The following KCNQ5 variants were observed in gnomAD, a reference collection of about 807,000 sequenced individuals.
KCNQ5 encodes the protein potassium voltage-gated channel subfamily KQT member 5.
In KCNQ5, 30 loss-of-function variants were observed where a neutral mutation model predicts 98.2. That is an observed-to-expected ratio of 0.31 (90% confidence interval 0.23 to 0.41). KCNQ5 has a LOEUF of 0.41. Among genes scored for constraint, KCNQ5 ranks in the 10% least tolerant of loss-of-function variants. KCNQ5 has a pLI of 1.00. For missense variants in KCNQ5, 835 were observed against 1,182.5 expected, an observed-to-expected ratio of 0.71 and a Z score of 4.31; for synonymous variants, 458 against 449.4, an observed-to-expected ratio of 1.02 and a Z score of -0.24.
intron 1 of KCNQ5, among the ~76,000 whole-genome samples, chr6:72,852,662 A>ATATATATATATAT (rs1389810749): frequency 2.6e-5 from 1 of 38,348 alleles, no homozygotes; most frequent in Non-Finnish European, 5.2e-5. Context: ...TATATATATA[A>ATATATATATATAT]ATGGCACTTA....
At chr6:73,163,690 G>C (rs1777695785) in intron 10 of KCNQ5, among the ~76,000 whole-genome samples, 1 of 152,262 alleles carries the variant, frequency 6.6e-6, no homozygotes, top group South Asian at 2.1e-4. Flanking sequence ...GGAGGTTGCA[G>C]TGAGCCAAGA....
chr6:73,031,819 G>T (rs555970510), intron 2 of KCNQ5, among the ~76,000 whole-genome samples: 40 of 152,328 alleles, frequency 2.6e-4, no homozygotes, highest in African/African-American at 6.5e-4. Flanking sequence ...TTAGCTATAT[G>T]AAACTCTGTA....
chr6:73,151,310 A>G (rs531260190), intron 10 of KCNQ5, among the ~76,000 whole-genome samples: 8 of 152,216 alleles, frequency 5.3e-5, no homozygotes, highest in African/African-American at 1.9e-4. Context: ...ACATATCTCC[A>G]TATTTTTCCA....
intron 1 of KCNQ5, among the ~76,000 whole-genome samples, chr6:72,672,702 G>A (rs1164042461): frequency 6.6e-6 from 1 of 152,044 alleles, no homozygotes; most frequent in Non-Finnish European, 1.5e-5. Flanking sequence ...GTCAGAATCA[G>A]AAGACGTCAT....
Position 72,888,372 on chromosome 6 carries a change from A to G in KCNQ5, c.399-115536A>G, listed in dbSNP as rs9442866. 5.4e-3 allele frequency among the ~76,000 whole-genome samples: 825 copies of G among 152,334 alleles called. 8 individuals are homozygous for G. Among genetic ancestry groups the G allele is most frequent in the African/African-American group, 0.019 (792 of 41,572 alleles). On this transcript the variant is annotated intron_variant, in intron 1 of 13. Coordinates refer to ENST00000370398, the MANE Select transcript of KCNQ5 (RefSeq NM_019842.4). ...TTTGAGAAACTGCAAGTACTTTAAT[A>G]TGACGCTGTGCACAGAGGGCCTGTA...
chr6:72,976,017 T>C (rs1408304156), intron 1 of KCNQ5, among the ~76,000 whole-genome samples: 4 of 152,242 alleles, frequency 2.6e-5, no homozygotes, highest in Admixed American at 2.6e-4. Flanking sequence ...AATTGATTTT[T>C]ATTAGCAAAT....
chr6:73,082,537 T>C (rs896449991), intron 5 of KCNQ5, among the ~76,000 whole-genome samples: 13 of 152,166 alleles, frequency 8.5e-5, no homozygotes, highest in African/African-American at 3.1e-4. Context: ...TGGAATTATG[T>C]CCAATATCGT....
chr6:72,855,722 A>C (rs1016689643), intron 1 of KCNQ5, among the ~76,000 whole-genome samples: 12 of 152,216 alleles, frequency 7.9e-5, no homozygotes, highest in African/African-American at 2.2e-4. Context: ...AGTCAGAAGC[A>C]TATTATGCTG....
At chr6:72,675,719 G>T (rs997002485) in intron 1 of KCNQ5, among the ~76,000 whole-genome samples, 1 of 152,176 alleles carries the variant, frequency 6.6e-6, no homozygotes, top group Non-Finnish European at 1.5e-5. Context: ...CTTTGTTTTT[G>T]TGGAATTCAT....
At chr6:73,058,243 T>A (rs1432630406) in intron 3 of KCNQ5, among the ~76,000 whole-genome samples, 1 of 152,058 alleles carries the variant, frequency 6.6e-6, no homozygotes, top group Non-Finnish European at 1.5e-5. Context: ...AAACGCCATC[T>A]CTACTAAAAT....
At chr6:73,136,882 T>C (rs1351313186) in intron 10 of KCNQ5, 1 of 152,224 alleles carries the variant, frequency 6.6e-6, no homozygotes, top group African/African-American at 2.4e-5. Flanking sequence ...TTATAGCCAG[T>C]TTTCAATTAT....
intron 1 of KCNQ5, among the ~76,000 whole-genome samples, chr6:72,962,980 C>T (rs1767445245): frequency 6.6e-6 from 1 of 151,918 alleles, no homozygotes; most frequent in Admixed American, 6.5e-5. Flanking sequence ...TCATACTTCT[C>T]AGAGGAAAAA....
intron 1 of KCNQ5, among the ~76,000 whole-genome samples, chr6:72,649,809 G>C (rs1445963356): frequency 6.6e-6 from 1 of 152,006 alleles, no homozygotes; most frequent in African/African-American, 2.4e-5. Context: ...ATATGACTAA[G>C]GAATAACATT....
At chr6:72,787,658 G>A (rs528053151) in intron 1 of KCNQ5, among the ~76,000 whole-genome samples, 5 of 152,234 alleles carry the variant, frequency 3.3e-5, no homozygotes, top group South Asian at 2.1e-4. Context: ...TTGAGTACCC[G>A]TCCTCCCAGT....
chr6:72,679,537 C>T, intron 1 of KCNQ5, among the ~76,000 whole-genome samples: 1 of 129,942 alleles, frequency 7.7e-6, no homozygotes, highest in Non-Finnish European at 1.5e-5. Flanking sequence ...AACACATGGA[C>T]ACAGGAAGGG....
chr6:72,934,882 G>T (rs1765837736), intron 1 of KCNQ5, among the ~76,000 whole-genome samples: 1 of 151,790 alleles, frequency 6.6e-6, no homozygotes, highest in Non-Finnish European at 1.5e-5. Context: ...TAAATCTTTG[G>T]CCCACTGAAA....
At chr6:72,655,088 CTTTCTTTCTGTT>C (rs1766109567) in intron 1 of KCNQ5, among the ~76,000 whole-genome samples, 1 of 135,060 alleles carries the variant, frequency 7.4e-6, no homozygotes, top group African/African-American at 2.8e-5. Flanking sequence ...TTCTTTCTTT[CTTTCTTTCTGTT>C]TTTCTTTCTT....
intron 1 of KCNQ5, among the ~76,000 whole-genome samples, chr6:72,809,749 A>T (rs570344479): frequency 6.6e-6 from 1 of 152,346 alleles, no homozygotes; most frequent in African/African-American, 2.4e-5. Context: ...AGTGACAGTC[A>T]TTCTGGATAA....
At chr6:73,002,117 A>G (rs1211342620) in intron 1 of KCNQ5, among the ~76,000 whole-genome samples, 1 of 152,194 alleles carries the variant, frequency 6.6e-6, no homozygotes, top group Non-Finnish European at 1.5e-5. Context: ...TCAACAGAGG[A>G]AGACCCTATT....
Sources: gnomAD v4.1 joint callset for allele counts (sites outside exome capture counted in the v4.1 genomes callset) on GRCh38, gnomAD v4.1.1 for gene constraint, MANE v1.5 for transcripts, NCBI Gene and HGNC (gene_info 2026-07-23, HGNC 2026-07-21) for gene names.